The following FAM227B variants were observed in gnomAD, a reference collection of about 807,000 sequenced individuals.
FAM227B encodes protein FAM227B.
FAM227B carries 88 observed loss-of-function variants against 73.8 expected under a neutral mutation model. The ratio of observed to expected loss-of-function variants is 1.19; its 90% CI spans 1.00 to 1.42. The LOEUF is 1.42. FAM227B is among the 40% of genes most tolerant of loss of function. FAM227B has a pLI of 0.00. For synonymous variants in FAM227B, 210 were observed against 190.5 expected (o/e 1.10, Z -0.84); for missense variants, 632 against 590.9 (o/e 1.07, Z -0.72).
chr15:49,396,731 G>A (rs1198753007), intron 11 of FAM227B, among the ~76,000 whole-genome samples: 1 of 148,702 alleles, frequency 6.7e-6, no homozygotes, highest in Non-Finnish European at 1.5e-5. Context: ...CCCCCAGCAG[G>A]GGCACACTGA....
At chr15:49,329,807 A>T (rs796648338) in intron 15 of FAM227B, 29 of 107,630 alleles carry the variant, frequency 2.7e-4, no homozygotes, top group Non-Finnish European at 4.2e-4. Context: ...GGATCAGTGT[A>T]AAAAAAAAAA....
At chr15:49,576,488 A>G in intron 7 of FAM227B, 1 of 296,450 alleles carries the variant, frequency 3.4e-6, no homozygotes, top group Non-Finnish European at 6.3e-6. Flanking sequence ...GAAGGAAAAA[A>G]CACCTGTTAC....
At chr15:49,340,461 A>G (rs964959941) in intron 13 of FAM227B, among the ~76,000 whole-genome samples, 1 of 105,404 alleles carries the variant, frequency 9.5e-6, no homozygotes, top group Non-Finnish European at 1.8e-5. Flanking sequence ...CCACTGTCCA[A>G]CCAGTCCCAA....
chr15:49,567,889 G>A (rs914218777), intron 9 of FAM227B, among the ~76,000 whole-genome samples: 5 of 151,930 alleles, frequency 3.3e-5, no homozygotes, highest in Non-Finnish European at 7.4e-5. Flanking sequence ...TGTAAAGTCC[G>A]CTTAAGTGGA....
chr15:49,412,472 T>C (rs891013909), intron 11 of FAM227B, among the ~76,000 whole-genome samples: 1 of 152,090 alleles, frequency 6.6e-6, no homozygotes, highest in Non-Finnish European at 1.5e-5. Context: ...AGGATTAATT[T>C]TTTTCAAAAT....
At chr15:49,563,812 T>C (rs1423375055) in intron 9 of FAM227B, among the ~76,000 whole-genome samples, 2 of 152,214 alleles carry the variant, frequency 1.3e-5, no homozygotes, top group African/African-American at 4.8e-5. Flanking sequence ...ACTGGACTTC[T>C]ACCTATCACC....
chr15:49,588,884 C>G (rs1414044550), intron 4 of FAM227B, among the ~76,000 whole-genome samples: 1 of 151,238 alleles, frequency 6.6e-6, no homozygotes, highest in Non-Finnish European at 1.5e-5. Flanking sequence ...TTAAACACAT[C>G]TTCAGAATTA....
chr15:49,360,159 C>T (rs556955197), intron 13 of FAM227B, among the ~76,000 whole-genome samples: 1 of 150,966 alleles, frequency 6.6e-6, no homozygotes, highest in South Asian at 2.1e-4. Flanking sequence ...TTAGTGGGTG[C>T]AGCGCACCAG....
intron 11 of FAM227B, among the ~76,000 whole-genome samples, chr15:49,416,583 T>C (rs1316986069): frequency 1.3e-5 from 2 of 152,252 alleles, no homozygotes; most frequent in East Asian, 3.9e-4. Context: ...TGTTTGCAGA[T>C]GACATGATTT....
At chr15:49,539,261 G>A (rs2152264723) in intron 10 of FAM227B, among the ~76,000 whole-genome samples, 1 of 152,308 alleles carries the variant, frequency 6.6e-6, no homozygotes, top group South Asian at 2.1e-4. Flanking sequence ...TGTCTGCAAT[G>A]GCTGTGAGGG....
At chr15:49,376,863 T>G (rs995777699) in intron 11 of FAM227B, among the ~76,000 whole-genome samples, 36 of 152,072 alleles carry the variant, frequency 2.4e-4, no homozygotes, top group Non-Finnish European at 1.0e-4. Context: ...TTATTTGTTT[T>G]CATGGTATTG....
intron 13 of FAM227B, among the ~76,000 whole-genome samples, chr15:49,346,595 G>C (rs1023442519): frequency 3.3e-5 from 5 of 152,106 alleles, no homozygotes; most frequent in Non-Finnish European, 5.9e-5. Context: ...GAACAGACCT[G>C]GACCTCGGTG....
intron 11 of FAM227B, chr15:49,489,380 C>T (rs978225189): frequency 1.2e-5 from 12 of 984,304 alleles, no homozygotes; most frequent in Admixed American, 6.2e-5. Flanking sequence ...AGGGATACTG[C>T]GTGGTCCATT....
At chr15:49,530,031 C>T (rs955511061) in intron 10 of FAM227B, among the ~76,000 whole-genome samples, 4 of 151,710 alleles carry the variant, frequency 2.6e-5, no homozygotes, top group Admixed American at 2.6e-4. Flanking sequence ...TTATATGTGG[C>T]TATCTTTGAA....
intron 9 of FAM227B, among the ~76,000 whole-genome samples, chr15:49,558,816 G>GTAC (rs1420970186): frequency 2.0e-5 from 3 of 152,040 alleles, no homozygotes; most frequent in Admixed American, 2.0e-4. Context: ...CCCCTACCCT[G>GTAC]TTCCAACTCT....
chr15:49,354,647 C>T (rs2042804962), intron 13 of FAM227B, among the ~76,000 whole-genome samples: 1 of 152,110 alleles, frequency 6.6e-6, no homozygotes, highest in Non-Finnish European at 1.5e-5. Context: ...GATCAAACTG[C>T]AAGGTGGGCT....
intron 5 of FAM227B, among the ~76,000 whole-genome samples, chr15:49,578,157 C>T (rs2075581756): frequency 6.6e-6 from 1 of 152,190 alleles, no homozygotes; most frequent in African/African-American, 2.4e-5. Flanking sequence ...AGCTGTCCTG[C>T]ATTGGACTGA....
intron 11 of FAM227B, among the ~76,000 whole-genome samples, chr15:49,500,479 T>C (rs190219683): frequency 6.6e-6 from 1 of 152,330 alleles, no homozygotes; most frequent in Admixed American, 6.5e-5. Context: ...TTAAGATACA[T>C]GGATGGCAAA....
intron 10 of FAM227B, among the ~76,000 whole-genome samples, chr15:49,517,837 T>C (rs901555044): frequency 1.3e-5 from 2 of 152,198 alleles, no homozygotes; most frequent in South Asian, 2.1e-4. Flanking sequence ...ACTAACACAA[T>C]AGATTAGTTT....
Sources: allele counts gnomAD v4.1 joint callset (sites outside exome capture counted in the v4.1 genomes callset), GRCh38; gene constraint gnomAD v4.1.1; transcripts MANE v1.5; gene names NCBI Gene and HGNC (gene_info 2026-07-23, HGNC 2026-07-21).